VEPH1: variants seen among roughly 807,000 people sequenced by gnomAD.
VEPH1 encodes the protein ventricular zone expressed PH domain containing 1.
VEPH1 carries 80 observed loss-of-function variants against 85.2 expected under a neutral mutation model. That is an observed-to-expected ratio of 0.94 (90% CI 0.78 to 1.13). VEPH1 has a LOEUF of 1.13. Among genes scored for constraint, VEPH1 ranks in the 50% most tolerant of loss-of-function variants. The probability of loss-of-function intolerance (pLI) is 0.00; values close to 1 mark genes in which losing one functional copy is unlikely to be tolerated. For missense variants in VEPH1, 955 were observed against 980.5 expected, an observed-to-expected ratio of 0.97 and a Z score of 0.35; for synonymous variants, 297 against 348.0, an observed-to-expected ratio of 0.85 and a Z score of 1.63.
intron 9 of VEPH1, among the ~76,000 whole-genome samples, chr3:157,334,267 G>A (rs919402793): frequency 6.6e-6 from 1 of 152,140 alleles, no homozygotes. Flanking sequence ...TTACTGAATA[G>A]AAAGCAACTA....
intron 7 of VEPH1, among the ~76,000 whole-genome samples, chr3:157,366,907 G>A (rs1219913532): frequency 6.6e-6 from 1 of 152,196 alleles, no homozygotes; most frequent in East Asian, 1.9e-4. Context: ...TAGCAGGGTT[G>A]GATAGTGAAG....
chr3:157,442,393 T>C, intron 4 of VEPH1: 3 of 1,612,890 alleles, frequency 1.9e-6, no homozygotes, highest in Non-Finnish European at 2.5e-6. Flanking sequence ...TTATTCCCAA[T>C]GCGTTCCAAG....
intron 2 of VEPH1, among the ~76,000 whole-genome samples, chr3:157,473,719 T>G (rs1737190843): frequency 6.6e-6 from 1 of 152,174 alleles, no homozygotes; most frequent in Admixed American, 6.5e-5. Context: ...TTTGATTTAA[T>G]TTCCCTAGTA....
chr3:157,454,044 G>A (rs1447721707), intron 4 of VEPH1, among the ~76,000 whole-genome samples: 1 of 152,002 alleles, frequency 6.6e-6, no homozygotes, highest in Non-Finnish European at 1.5e-5. Context: ...TAAGTTCTTG[G>A]CAGCAATAAA....
chr3:157,457,517 T>C (rs913366224), intron 4 of VEPH1, among the ~76,000 whole-genome samples: 4 of 152,224 alleles, frequency 2.6e-5, no homozygotes, highest in African/African-American at 9.7e-5. Context: ...GGCTGTGGGT[T>C]TGCCATTGAT....
intron 4 of VEPH1, 104 bp from the exon 5 acceptor site, chr3:157,428,592 C>A: frequency 9.1e-7 from 1 of 1,095,290 alleles, no homozygotes; most frequent in Non-Finnish European, 1.3e-6. Context: ...CATTAAATAG[C>A]ACAGACTGAT....
Position 157,413,898 on chromosome 3 carries a change from C to T in VEPH1, c.889G>A (p.Val297Ile), listed in dbSNP as rs746660917. ...AAACTTACTTCATCCACATGCCCAA[C>T]AGCTCCATAAATCCTTGCCATCTGT... ...TGQMARIYGA[V>I]GHVDEERARS... Residue 297 changes from valine (V) to isoleucine (I), a missense_variant, in exon 6 of 14, where the codon GTT (valine) becomes ATT (isoleucine). Physicochemically the swap from Val to Ile is conservative, Grantham distance 29. Coordinates refer to ENST00000362010, the MANE Select transcript of VEPH1 (RefSeq NM_001167912.2). 2.5e-6 allele frequency: 4 copies of T among 1,613,428 alleles called. No homozygotes were observed. In the South Asian group the frequency reaches 3.3e-5, roughly 13 times the overall value.
intron 2 of VEPH1, among the ~76,000 whole-genome samples, chr3:157,480,628 G>T (rs1737951112): frequency 6.6e-6 from 1 of 152,048 alleles, no homozygotes; most frequent in African/African-American, 2.4e-5. Flanking sequence ...CAAAGGACAT[G>T]ACTTTGTTTT....
chr3:157,495,877 A>G (rs1739621515), intron 1 of VEPH1, among the ~76,000 whole-genome samples: 1 of 152,224 alleles, frequency 6.6e-6, no homozygotes, highest in Non-Finnish European at 1.5e-5. Flanking sequence ...AGGGAGAACA[A>G]AAGGAAAAGA....
At chr3:157,477,138 G>A (rs1312528761) in intron 2 of VEPH1, among the ~76,000 whole-genome samples, 1 of 151,774 alleles carries the variant, frequency 6.6e-6, no homozygotes, top group Non-Finnish European at 1.5e-5. Flanking sequence ...AGTCTCACTG[G>A]ACTAAAGTCA....
intron 6 of VEPH1, among the ~76,000 whole-genome samples, chr3:157,389,814 C>A (rs1729687047): frequency 6.6e-6 from 1 of 152,186 alleles, no homozygotes; most frequent in Admixed American, 6.5e-5. Flanking sequence ...TCCTTGCAGT[C>A]ATGCCCAGAG....
In VEPH1 at chr3:157,296,616, G is replaced by A. The variant is rs74771758; in HGVS notation, c.2011-9942C>T. Among the ~76,000 whole-genome samples, 812 of 152,304 alleles carry A rather than the reference G, an allele frequency of 5.3e-3. 11 individuals carry two copies. The highest frequency in any genetic ancestry group is 0.018 in the African/African-American group (736 of 41,562). On this transcript the variant is annotated intron_variant, in intron 11 of 13. Coordinates refer to ENST00000362010, the MANE Select transcript of VEPH1 (RefSeq NM_001167912.2). Reference sequence around the variant, plus strand: ...CTAAAGTACTAAGTGTTTGAAATATGTTCTATTTTGTTTCAGAAAACCAAA... The same window carrying A: ...CTAAAGTACTAAGTGTTTGAAATATATTCTATTTTGTTTCAGAAAACCAAA...
intron 4 of VEPH1, among the ~76,000 whole-genome samples, chr3:157,431,366 C>T (rs1483175606): frequency 1.3e-5 from 2 of 152,062 alleles, no homozygotes; most frequent in East Asian, 3.9e-4. Flanking sequence ...CTTTTAGAGG[C>T]TGCCTGAATT....
chr3:157,356,011 C>T (rs1725384776), intron 9 of VEPH1, among the ~76,000 whole-genome samples: 1 of 151,486 alleles, frequency 6.6e-6, no homozygotes, highest in African/African-American at 2.4e-5. Context: ...GCGATTCTCT[C>T]ACCTCAGCCT....
At chr3:157,465,689 C>A (rs1427441207) in intron 3 of VEPH1, among the ~76,000 whole-genome samples, 2 of 152,162 alleles carry the variant, frequency 1.3e-5, no homozygotes, top group Non-Finnish European at 2.9e-5. Context: ...AGAGTTTAAA[C>A]CTTCATATTA....
chr3:157,358,810 A>G (rs1725731902), intron 9 of VEPH1, among the ~76,000 whole-genome samples: 1 of 152,242 alleles, frequency 6.6e-6, no homozygotes, highest in Non-Finnish European at 1.5e-5. Flanking sequence ...ATCCTGGTCA[A>G]CATGGTGAAA....
At chr3:157,341,650 A>G (rs1264901544) in intron 9 of VEPH1, among the ~76,000 whole-genome samples, 1 of 152,246 alleles carries the variant, frequency 6.6e-6, no homozygotes, top group African/African-American at 2.4e-5. Flanking sequence ...GCAGGCCAAC[A>G]TTCAAATTCA....
chr3:157,427,814 T>G (rs1237218999), intron 5 of VEPH1, among the ~76,000 whole-genome samples: 1 of 152,206 alleles, frequency 6.6e-6, no homozygotes, highest in African/African-American at 2.4e-5. Flanking sequence ...GATATTTGAT[T>G]AAACATTATT....
At chr3:157,341,820 T>G (rs1374809408) in intron 9 of VEPH1, among the ~76,000 whole-genome samples, 108 of 151,380 alleles carry the variant, frequency 7.1e-4, no homozygotes, top group African/African-American at 2.5e-3. Flanking sequence ...GACTAACAGC[T>G]GATCTCTCGG....
Sources: allele counts gnomAD v4.1 joint callset (sites outside exome capture counted in the v4.1 genomes callset), GRCh38; gene constraint gnomAD v4.1.1; transcripts MANE v1.5; gene names NCBI Gene and HGNC (gene_info 2026-07-23, HGNC 2026-07-21).